The following MYOZ2 variants were observed in gnomAD, a reference collection of about 807,000 sequenced individuals.
MYOZ2 encodes the protein myozenin-2.
In MYOZ2, 19 loss-of-function variants were observed where a neutral mutation model predicts 25.4. That is an observed-to-expected ratio of 0.75 (90% confidence interval 0.52 to 1.10). MYOZ2 has a LOEUF of 1.10. Ranked by LOEUF, MYOZ2 falls within the 50% of genes least tolerant of loss-of-function variation. The pLI, the probability that MYOZ2 is intolerant of heterozygous loss-of-function variation, is 0.00. For missense variants in MYOZ2, 270 were observed against 317.9 expected, an observed-to-expected ratio of 0.85 and a Z score of 1.15; for synonymous variants, 92 against 106.9, an observed-to-expected ratio of 0.86 and a Z score of 0.86.
chr4:119,142,933 A>G (rs1473930370), intron 2 of MYOZ2, among the ~76,000 whole-genome samples: 2 of 152,166 alleles, frequency 1.3e-5, no homozygotes. Flanking sequence ...ATAACAGAAT[A>G]CCTGAGATTG....
At chr4:119,178,674 T>A (rs1459493145) in intron 5 of MYOZ2, among the ~76,000 whole-genome samples, 1 of 152,188 alleles carries the variant, frequency 6.6e-6, no homozygotes, top group Admixed American at 6.5e-5. Flanking sequence ...TGGTGCAATC[T>A]CAGCTCACTG....
At chr4:119,160,779 G>A (rs542648790) in intron 4 of MYOZ2, among the ~76,000 whole-genome samples, 24 of 151,966 alleles carry the variant, frequency 1.6e-4, no homozygotes, top group African/African-American at 4.1e-4. Context: ...TTAAATTGAC[G>A]TGTAATAATT....
At chr4:119,182,642 A>G (rs1742207655) in intron 5 of MYOZ2, among the ~76,000 whole-genome samples, 1 of 152,132 alleles carries the variant, frequency 6.6e-6, no homozygotes, top group Admixed American at 6.5e-5. Context: ...TGCAACCTTG[A>G]TCCCTCACAT....
intron 4 of MYOZ2, among the ~76,000 whole-genome samples, chr4:119,161,710 C>T (rs1485230076): frequency 1.3e-5 from 2 of 151,948 alleles, no homozygotes; most frequent in Non-Finnish European, 2.9e-5. Flanking sequence ...GATTACATAA[C>T]CATGGTTCCT....
chr4:119,177,652 G>A (rs574168941), intron 5 of MYOZ2, among the ~76,000 whole-genome samples: 29 of 152,214 alleles, frequency 1.9e-4, no homozygotes, highest in African/African-American at 5.8e-4. Flanking sequence ...TTTGCCAGTT[G>A]AGTACATTCG....
intron 4 of MYOZ2, among the ~76,000 whole-genome samples, chr4:119,160,136 G>A (rs12508316): frequency 0.36 from 54,973 of 151,902 alleles, 10,736 homozygotes; most frequent in Non-Finnish European, 0.45. Flanking sequence ...AAGAAATCTC[G>A]CTTTACAGGG....
Position 119,145,550 on chromosome 4 carries a change from T to TGTATG in MYOZ2, c.77-5322_77-5321insGTATG, listed in dbSNP as rs1561104817. Reference sequence around the variant, plus strand: ...TGTGTGTGTGTGTGTGTGTGTGTGTTTTTGGTAGAGACTTGGTTTCACCAT... The same window carrying TGTATG: ...TGTGTGTGTGTGTGTGTGTGTGTGTTGTATGTTTGGTAGAGACTTGGTTTCACCAT... On this transcript the variant is annotated intron_variant, in intron 2 of 5. Transcript: ENST00000307128. Among the ~76,000 whole-genome samples the TGTATG allele has an allele frequency of 3.9e-5, 4 of 103,024 alleles. No individual in the cohort carries two copies. In the South Asian group the frequency reaches 1.7e-3, roughly 45 times the overall value. The allele number at this position is 103,024 out of a possible 152,430, so 67.6% of individuals were successfully genotyped here. A position where few individuals can be genotyped will look rare whatever the true frequency, so the allele number is the denominator to read the frequency against.
At chr4:119,153,025 C>A (rs1741487813) in intron 3 of MYOZ2, among the ~76,000 whole-genome samples, 1 of 150,738 alleles carries the variant, frequency 6.6e-6, no homozygotes, top group Non-Finnish European at 1.5e-5. Flanking sequence ...GCTCTCCCAC[C>A]AGCCATGTGA....
intron 4 of MYOZ2, among the ~76,000 whole-genome samples, chr4:119,160,995 C>T (rs556914033): frequency 4.6e-4 from 70 of 151,808 alleles, no homozygotes; most frequent in Non-Finnish European, 6.6e-4. Flanking sequence ...TAACTTATTC[C>T]TCCTGTCTAG....
chr4:119,173,349 A>G (rs1741983733), intron 5 of MYOZ2, among the ~76,000 whole-genome samples: 3 of 152,198 alleles, frequency 2.0e-5, no homozygotes, highest in Non-Finnish European at 4.4e-5. Flanking sequence ...TTTTCAGTAG[A>G]CTATTTTAAA....
At chr4:119,173,991 T>C (rs924141305) in intron 5 of MYOZ2, among the ~76,000 whole-genome samples, 4 of 152,198 alleles carry the variant, frequency 2.6e-5, no homozygotes, top group Non-Finnish European at 5.9e-5. Context: ...GCGCTGCACT[T>C]GATTTCTCAC....
chr4:119,166,802 C>T (rs867945345), intron 5 of MYOZ2, among the ~76,000 whole-genome samples: 1 of 152,076 alleles, frequency 6.6e-6, no homozygotes, highest in Non-Finnish European at 1.5e-5. Context: ...GTTATGGTGA[C>T]CTGTGATCAG....
intron 5 of MYOZ2, among the ~76,000 whole-genome samples, chr4:119,166,850 G>A (rs936554158): frequency 6.6e-6 from 1 of 152,148 alleles, no homozygotes; most frequent in African/African-American, 2.4e-5. Context: ...TTTTTGGGAT[G>A]TCATGAACCA....
Position 119,150,876 on chromosome 4 carries a change from T to C in MYOZ2, c.81T>C (p.Val27=), listed in dbSNP as rs1450340716. The change falls in exon 3 of 6, where the codon GTT becomes GTC. Residue 27 remains valine, a synonymous_variant. Transcript: ENST00000307128. ...AIMKEVHGND[V]DGMDLGKKVS... The stretch of plus-strand genomic sequence containing the variant: ...CATATGAATATTGTTTTACAGATGT[T>C]GATGGCATGGACCTGGGCAAAAAGG... 1 of 1,613,548 alleles carries C rather than the reference T, an allele frequency of 6.2e-7. No homozygotes were observed. Among genetic ancestry groups the C allele is most frequent in the Non-Finnish European group, 8.5e-7 (1 of 1,179,604 alleles).
intron 2 of MYOZ2, among the ~76,000 whole-genome samples, chr4:119,148,924 T>TA (rs1283354150): frequency 2.6e-5 from 4 of 151,954 alleles, no homozygotes; most frequent in African/African-American, 7.2e-5. Context: ...ATTTTTTTTT[T>TA]AATTTTTCAT....
intron 4 of MYOZ2, among the ~76,000 whole-genome samples, chr4:119,163,949 A>G (rs996342001): frequency 1.3e-5 from 2 of 152,246 alleles, no homozygotes; most frequent in African/African-American, 4.8e-5. Flanking sequence ...AAAAATATAT[A>G]TACTAAGACA....
At chr4:119,174,479 T>C (rs1742013306) in intron 5 of MYOZ2, among the ~76,000 whole-genome samples, 1 of 152,102 alleles carries the variant, frequency 6.6e-6, no homozygotes, top group East Asian at 1.9e-4. Context: ...ATCAGCACCC[T>C]GTGTTTAGCT....
chr4:119,154,739 T>C (rs182521773), intron 3 of MYOZ2, among the ~76,000 whole-genome samples: 1 of 152,288 alleles, frequency 6.6e-6, no homozygotes, highest in Non-Finnish European at 1.5e-5. Flanking sequence ...AGGAACTTTA[T>C]ACTTTTTAAA....
At chr4:119,151,494 GCATTTATTCCA>G (rs1356902008) in intron 3 of MYOZ2, among the ~76,000 whole-genome samples, 1 of 152,072 alleles carries the variant, frequency 6.6e-6, no homozygotes, top group Non-Finnish European at 1.5e-5. Context: ...CCCTCTCAAA[GCATTTATTCCA>G]CATTGTGTAG....
Sources: allele counts gnomAD v4.1 joint callset (sites outside exome capture counted in the v4.1 genomes callset), GRCh38; gene constraint gnomAD v4.1.1; transcripts MANE v1.5; gene names NCBI Gene and HGNC (gene_info 2026-07-23, HGNC 2026-07-21).